Variants in KLHL4 observed in about 807,000 individuals in gnomAD.
KLHL4 encodes the protein kelch like family member 4.
Under a neutral mutation model 45.8 loss-of-function variants are expected in KLHL4, and 17 were observed. That is an observed-to-expected ratio of 0.37 (90% CI 0.25 to 0.56). The LOEUF is 0.56. KLHL4 is among the 20% of genes least tolerant of loss of function. The pLI, the probability that KLHL4 is intolerant of heterozygous loss-of-function variation, is 0.79. For missense variants in KLHL4, 544 were observed against 544.9 expected (o/e 1.00, Z 0.02); for synonymous variants, 224 against 189.9 (o/e 1.18, Z -1.47).
At chrX:87,639,939 C>A (rs992683263) in intron 9 of KLHL4, among the ~76,000 whole-genome samples, 1 of 109,809 alleles carries the variant, frequency 9.1e-6, no homozygotes, top group African/African-American at 3.3e-5. Flanking sequence ...AATGAATAGA[C>A]CATTAGCAAA....
intron 1 of KLHL4, among the ~76,000 whole-genome samples, chrX:87,599,209 G>A (rs903513527): frequency 1.8e-5 from 2 of 110,528 alleles, no homozygotes; most frequent in East Asian, 5.7e-4. Flanking sequence ...TCATTTACCT[G>A]CCTAGAGAGT....
At chrX:87,665,077 A>G (rs1277315744) in intron 10 of KLHL4, 142 bp downstream of exon 10, 2 of 405,804 alleles carry the variant, frequency 4.9e-6, no homozygotes, top group Non-Finnish European at 8.3e-6. Context: ...TGCTCTATCT[A>G]TGCCTTAGAG....
chrX:87,584,760 G>A (rs774535927), intron 1 of KLHL4, among the ~76,000 whole-genome samples: 3 of 109,433 alleles, frequency 2.7e-5, no homozygotes, highest in Non-Finnish European at 5.7e-5. Context: ...AAAGTTATTG[G>A]CCTTAAAGAG....
In KLHL4 at chrX:87,632,450, A is replaced by G. The variant is rs745597652; in HGVS notation, c.1549+16A>G. ...CACGGCTTAGGTAAGAGCTTAACGT[A>G]ATGTATTTTTCAAGAATGTATAGTA... On this transcript the variant is annotated intron_variant, in intron 7 of 10. Transcript: ENST00000373119. 2 of 1,092,227 alleles carry G rather than the reference A, an allele frequency of 1.8e-6. No homozygotes were observed. The highest frequency in any genetic ancestry group is 3.0e-5 in the East Asian group (1 of 33,064). The allele number at this position is 1,092,227 out of a possible 1,213,427, so 90.0% of individuals were successfully genotyped here.
intron 6 of KLHL4, among the ~76,000 whole-genome samples, chrX:87,631,295 C>T (rs1354615409): frequency 9.0e-6 from 1 of 111,581 alleles, no homozygotes; most frequent in Non-Finnish European, 1.9e-5. Context: ...CCATCATTCC[C>T]CTGTGCAAGC....
intron 1 of KLHL4, among the ~76,000 whole-genome samples, chrX:87,546,454 T>A (rs1931685947): frequency 8.9e-6 from 1 of 111,981 alleles, no homozygotes; most frequent in African/African-American, 3.2e-5. Context: ...TCAGAGGATG[T>A]ATGGAAACAC....
At chrX:87,564,300 C>T (rs1166805142) in intron 1 of KLHL4, among the ~76,000 whole-genome samples, 2 of 108,843 alleles carry the variant, frequency 1.8e-5, no homozygotes, top group African/African-American at 6.7e-5. Context: ...AAGTGTGGAG[C>T]TTTTATTAGT....
At chrX:87,552,650 C>T (rs995990219) in intron 1 of KLHL4, among the ~76,000 whole-genome samples, 1 of 108,943 alleles carries the variant, frequency 9.2e-6, no homozygotes, top group African/African-American at 3.4e-5. Flanking sequence ...TGGAATGAAC[C>T]CAAATGCCCA....
intron 9 of KLHL4, among the ~76,000 whole-genome samples, chrX:87,647,702 A>G (rs1923682111): frequency 9.0e-6 from 1 of 111,417 alleles, no homozygotes; most frequent in African/African-American, 3.3e-5. Flanking sequence ...CATAAGAATG[A>G]TACAATGAAC....
chrX:87,613,514 G>T (rs1037873754), intron 1 of KLHL4, among the ~76,000 whole-genome samples: 3 of 111,303 alleles, frequency 2.7e-5, no homozygotes, highest in African/African-American at 9.8e-5. Flanking sequence ...TTTGACTCAG[G>T]TCTAAGGGTT....
At chrX:87,638,374 C>T (rs1028909300) in intron 9 of KLHL4, among the ~76,000 whole-genome samples, 20 of 111,492 alleles carry the variant, frequency 1.8e-4, no homozygotes, top group East Asian at 8.5e-4. Context: ...AAAAAATCAT[C>T]GCCTAGGCAC....
At chrX:87,552,413 A>G (rs1246659564) in intron 1 of KLHL4, among the ~76,000 whole-genome samples, 1 of 110,987 alleles carries the variant, frequency 9.0e-6, no homozygotes, top group East Asian at 2.8e-4. Flanking sequence ...AGATGTTGGC[A>G]TTGATGTGGT....
chrX:87,667,577 A>T lies in KLHL4; in HGVS notation c.*1043A>T. 1.6e-6 allele frequency: 1 copy of T among 610,935 alleles called. No homozygotes were observed. Among genetic ancestry groups the T allele is most frequent in the Non-Finnish European group, 2.0e-6 (1 of 512,561 alleles). 50.3% of individuals were successfully genotyped at this position (610,935 alleles called of 1,213,427 possible). ...ATATTATCCAGTAGAAAATGTTAGGATATGTGTGCTATATAAAAAAAAAAA... is the reference window on the plus strand; with the variant it reads ...ATATTATCCAGTAGAAAATGTTAGGTTATGTGTGCTATATAAAAAAAAAAA... On this transcript the variant is annotated 3_prime_UTR_variant, in exon 11 of 11. Coordinates refer to ENST00000373119, the MANE Select transcript of KLHL4 (RefSeq NM_019117.5).
chrX:87,619,981 G>A (rs1922694343), intron 4 of KLHL4, among the ~76,000 whole-genome samples: 1 of 111,639 alleles, frequency 9.0e-6, no homozygotes, highest in South Asian at 3.8e-4. Flanking sequence ...ACTGAACAAG[G>A]TAGATTGCCT....
chrX:87,536,944 A>T lies in KLHL4; in HGVS notation c.422+18629A>T, dbSNP rs192484352. On this transcript the variant is annotated intron_variant, in intron 1 of 10. Transcript: ENST00000373119. ...TTAAAATTTAATTTATCGGTTTTTG[A>T]AAAACAGCTTAAATATCTATATTTA... 3.6e-3 allele frequency among the ~76,000 whole-genome samples: 407 copies of T among 111,852 alleles called. 6 individuals are homozygous for T. In the South Asian group the frequency reaches 0.051, roughly 14 times the overall value.
chrX:87,621,119 C>T (rs1922734021), intron 4 of KLHL4, among the ~76,000 whole-genome samples: 1 of 111,733 alleles, frequency 8.9e-6, no homozygotes, highest in South Asian at 3.7e-4. Flanking sequence ...GATTGTTTCA[C>T]TTCCACAATG....
intron 4 of KLHL4, among the ~76,000 whole-genome samples, 155 bp downstream of exon 4, chrX:87,618,283 C>G (rs1339165431): frequency 2.7e-5 from 3 of 112,108 alleles, no homozygotes; most frequent in African/African-American, 9.7e-5. Context: ...CTCAGGCAAG[C>G]TTTTCCTTTT....
At chrX:87,553,876 C>A (rs1931894600) in intron 1 of KLHL4, among the ~76,000 whole-genome samples, 1 of 109,253 alleles carries the variant, frequency 9.2e-6, no homozygotes, top group Non-Finnish European at 1.9e-5. Flanking sequence ...GTCTTTAATC[C>A]ATCTTGAATT....
At chrX:87,565,596 C>T (rs1477795690) in intron 1 of KLHL4, among the ~76,000 whole-genome samples, 1 of 101,165 alleles carries the variant, frequency 9.9e-6, no homozygotes, top group Non-Finnish European at 2.0e-5. Flanking sequence ...CTTGGTGGCA[C>T]ATGCCTGTAA....
Sources: gnomAD v4.1 joint callset for allele counts (sites outside exome capture counted in the v4.1 genomes callset) on GRCh38, gnomAD v4.1.1 for gene constraint, MANE v1.5 for transcripts, NCBI Gene and HGNC (gene_info 2026-07-23, HGNC 2026-07-21) for gene names.